The following DENND1B variants were observed in gnomAD, a reference collection of about 807,000 sequenced individuals.
The protein encoded by DENND1B is DENN domain containing 1B, also known as DENN domain-containing protein 1B.
In DENND1B, 59 loss-of-function variants were observed where a neutral mutation model predicts 90.1. The ratio of observed to expected loss-of-function variants is 0.65; its 90% CI spans 0.53 to 0.81. The LOEUF is 0.81. Ranked by LOEUF, DENND1B falls within the 40% of genes least tolerant of loss-of-function variation. The probability of loss-of-function intolerance (pLI) is 0.00; values close to 1 mark genes in which losing one functional copy is unlikely to be tolerated. For synonymous variants in DENND1B, 337 were observed against 324.6 expected (o/e 1.04, Z -0.41); for missense variants, 862 against 912.6 (o/e 0.94, Z 0.71).
intron 15 of DENND1B, among the ~76,000 whole-genome samples, chr1:197,563,218 C>T (rs115175938): frequency 6.6e-6 from 1 of 151,950 alleles, no homozygotes; most frequent in Non-Finnish European, 1.5e-5. Context: ...GAGGATGAAA[C>T]AACCTTCTAT....
chr1:197,513,606 T>G (rs1232588311), intron 20 of DENND1B, among the ~76,000 whole-genome samples: 2 of 151,572 alleles, frequency 1.3e-5, no homozygotes, highest in Admixed American at 6.6e-5. Context: ...CACTATGTAT[T>G]TTTAACAACT....
chr1:197,779,491 A>G (rs1657377219), upstream of DENND1B, among the ~76,000 whole-genome samples: 1 of 151,804 alleles, frequency 6.6e-6, no homozygotes, highest in South Asian at 2.1e-4. Flanking sequence ...CTTTCTTTCC[A>G]TTCCTTCTGG....
At chr1:197,607,234 G>A in intron 12 of DENND1B, 60 bp from the exon 13 acceptor site, 1 of 1,188,182 alleles carries the variant, frequency 8.4e-7, no homozygotes, top group Non-Finnish European at 1.2e-6. Context: ...AAGTTATGAT[G>A]AGTTTGGAAA....
At position 197,583,322 on chromosome 1, in the gene DENND1B, A is replaced by G. The variant is rs1207768124; in HGVS notation, c.1048-69T>C. The G allele has an allele frequency of 3.5e-6, 5 of 1,413,276 alleles. No homozygotes were observed. In the East Asian group the frequency reaches 1.1e-4, roughly 32 times the overall value. 87.5% of individuals were successfully genotyped at this position (1,413,276 alleles called of 1,614,324 possible). A position where few individuals can be genotyped will look rare whatever the true frequency, so the allele number is the denominator to read the frequency against. ...TCAGAGAGAACTAGTCTCTTTAAAT[A>G]GGTATGTGAAGAGTGATAGAGGAAG... On this transcript the variant is annotated intron_variant, in intron 14 of 22. Transcript: ENST00000620048.
chr1:197,691,471 G>A (rs1351775811), intron 3 of DENND1B, among the ~76,000 whole-genome samples: 1 of 151,996 alleles, frequency 6.6e-6, no homozygotes, highest in Non-Finnish European at 1.5e-5. Context: ...AAAGATAAGT[G>A]TTGGAGAGAG....
Position 197,754,280 on chromosome 1 carries a change from T to G in DENND1B, c.82+18588A>C, listed in dbSNP as rs141574806. On this transcript the variant is annotated intron_variant, in intron 2 of 22. Transcript: ENST00000620048. ...CGGAAAGGCAATCTGCCAATACATA[T>G]CAAAAGTCCAACAATGATACTCAAG... 4.3e-3 allele frequency among the ~76,000 whole-genome samples: 661 copies of G among 152,168 alleles called. 9 individuals are homozygous for G. Among genetic ancestry groups the G allele is most frequent in the African/African-American group, 0.015 (619 of 41,520 alleles).
intron 5 of DENND1B, 77 bp from the exon 6 acceptor site, chr1:197,658,446 T>C (rs1654070000): frequency 2.0e-6 from 2 of 1,017,754 alleles, no homozygotes; most frequent in African/African-American, 1.6e-5. Flanking sequence ...ATTTAATTCA[T>C]ATTAATTCAA....
At chr1:197,571,273 T>G (rs923865853) in intron 15 of DENND1B, among the ~76,000 whole-genome samples, 4 of 152,224 alleles carry the variant, frequency 2.6e-5, no homozygotes, top group African/African-American at 9.6e-5. Flanking sequence ...CCCTACAGCA[T>G]ACTGTTCCAT....
intron 14 of DENND1B, among the ~76,000 whole-genome samples, chr1:197,588,942 C>T (rs963069075): frequency 6.6e-6 from 1 of 152,078 alleles, no homozygotes; most frequent in Non-Finnish European, 1.5e-5. Context: ...ACTTTATCCT[C>T]AAGTTGCTGG....
At chr1:197,656,926 A>G (rs1302082010) in intron 6 of DENND1B, among the ~76,000 whole-genome samples, 1 of 152,182 alleles carries the variant, frequency 6.6e-6, no homozygotes, top group Admixed American at 6.5e-5. Context: ...AGAAAAGCAT[A>G]AAGACTTTTA....
chr1:197,655,812 G>A (rs1653759057), intron 6 of DENND1B, among the ~76,000 whole-genome samples: 1 of 152,312 alleles, frequency 6.6e-6, no homozygotes, highest in South Asian at 2.1e-4. Flanking sequence ...GATTACAGGT[G>A]TGAGCCACCG....
chr1:197,559,533 C>A (rs191943366), intron 15 of DENND1B, among the ~76,000 whole-genome samples: 1 of 151,978 alleles, frequency 6.6e-6, no homozygotes, highest in East Asian at 1.9e-4. Context: ...ACATTAGAAA[C>A]CCTTCTTAGG....
chr1:197,608,225 T>C (rs550807668), intron 12 of DENND1B, among the ~76,000 whole-genome samples: 5 of 150,752 alleles, frequency 3.3e-5, no homozygotes, highest in Admixed American at 3.3e-4. Context: ...ATTTCAAATC[T>C]CTGCATATTA....
chr1:197,650,604 T>C (rs1246707022), intron 7 of DENND1B, among the ~76,000 whole-genome samples: 1 of 152,100 alleles, frequency 6.6e-6, no homozygotes, highest in Non-Finnish European at 1.5e-5. Context: ...TGCAAAATCG[T>C]GGAATCAACC....
At chr1:197,681,460 T>C (rs964303273) in intron 3 of DENND1B, among the ~76,000 whole-genome samples, 2 of 152,144 alleles carry the variant, frequency 1.3e-5, no homozygotes, top group Admixed American at 6.6e-5. Context: ...ATCAAATTCT[T>C]TTATTCATGT....
rs989492164 is a variant in DENND1B at position 197,511,842 on chromosome 1, T to C, written c.1701A>G (p.Leu567=). 1.9e-6 allele frequency: 3 copies of C among 1,611,586 alleles called. No homozygotes were observed. In the African/African-American group the frequency reaches 4.0e-5, roughly 22 times the overall value. Residue 567 remains leucine, a synonymous_variant, in exon 22 of 23, where the codon TTA becomes TTG. Transcript: ENST00000620048. Reference sequence around the variant, plus strand: ...TCAATGTATCAAGAATCTCTCCTAGTAAGTCCATTTCACCTGAGTAAGGAG... The same window carrying C: ...TCAATGTATCAAGAATCTCTCCTAGCAAGTCCATTTCACCTGAGTAAGGAG... ...VKTPYSGEMD[L]LGEILDTLST...
chr1:197,645,763 C>A lies in DENND1B; in HGVS notation c.508-20G>T, dbSNP rs2125924072. On this transcript the variant is annotated intron_variant, in intron 8 of 22. Transcript: ENST00000620048. ...GGAATGCTAATCAATACAAATAAATCACATATGAAAAAGATAATTAAAACT... is the reference window on the plus strand; with the variant it reads ...GGAATGCTAATCAATACAAATAAATAACATATGAAAAAGATAATTAAAACT... The A allele has an allele frequency of 6.6e-7, 1 of 1,507,218 alleles. No homozygotes were observed. Among genetic ancestry groups the A allele is most frequent in the Non-Finnish European group, 8.9e-7 (1 of 1,119,830 alleles). The allele number at this position is 1,507,218 out of a possible 1,614,324, so 93.4% of individuals were successfully genotyped here.
intron 2 of DENND1B, among the ~76,000 whole-genome samples, chr1:197,719,767 C>T (rs972280764): frequency 2.6e-5 from 4 of 152,202 alleles, no homozygotes; most frequent in Non-Finnish European, 4.4e-5. Flanking sequence ...ATCTGAATTA[C>T]GTATCTAAAG....
At chr1:197,558,440 T>C (rs1202542067) in intron 15 of DENND1B, among the ~76,000 whole-genome samples, 1 of 151,858 alleles carries the variant, frequency 6.6e-6, no homozygotes, top group Non-Finnish European at 1.5e-5. Flanking sequence ...CTTTATGACA[T>C]GATCTTTTTG....
Sources: gnomAD v4.1 joint callset for allele counts (sites outside exome capture counted in the v4.1 genomes callset) on GRCh38, gnomAD v4.1.1 for gene constraint, MANE v1.5 for transcripts, NCBI Gene and HGNC (gene_info 2026-07-23, HGNC 2026-07-21) for gene names.